Variants in CDH2 observed in about 807,000 individuals in gnomAD.
CDH2 encodes the protein cadherin 2, also known as cadherin-2.
A neutral mutation model predicts 92.0 loss-of-function variants in CDH2; 17 were observed. The observed-to-expected ratio is 0.18, with a 90% CI of 0.13 to 0.28. The LOEUF (loss-of-function observed/expected upper bound fraction) is 0.28, where lower values mean the gene tolerates loss of function less well. Ranked by LOEUF, CDH2 falls within the 10% of genes least tolerant of loss-of-function variation. The pLI, the probability that CDH2 is intolerant of heterozygous loss-of-function variation, is 1.00. For missense variants in CDH2, 862 were observed against 1,133.1 expected (o/e 0.76, Z 3.44); for synonymous variants, 419 against 415.9 (o/e 1.01, Z -0.09).
At chr18:28,020,982 T>A (rs2013394143) in intron 2 of CDH2, among the ~76,000 whole-genome samples, 1 of 151,942 alleles carries the variant, frequency 6.6e-6, no homozygotes, top group Non-Finnish European at 1.5e-5. Flanking sequence ...TGAAAAAGTA[T>A]AACATTTCTT....
intron 2 of CDH2, among the ~76,000 whole-genome samples, chr18:28,023,285 C>A (rs1162472090): frequency 2.6e-5 from 4 of 152,062 alleles, no homozygotes; most frequent in Non-Finnish European, 5.9e-5. Context: ...TAGCTTCATG[C>A]CACTAGGGCC....
rs1392654403 is a variant in CDH2 at position 28,144,154 on chromosome 18, T to TA, written c.172+3518dup. Among the ~76,000 whole-genome samples, 4 of 151,278 alleles carry TA rather than the reference T, an allele frequency of 2.6e-5. No individual in the cohort carries two copies. In the South Asian group the frequency reaches 6.2e-4, roughly 24 times the overall value. ...CGTTCTGCACATGTGTCCCAGAACT[T>TA]AAAGTAAAATTAAAAAAAAAAAGAG... is the stretch of plus-strand genomic sequence containing the variant. On this transcript the variant is annotated intron_variant, in intron 2 of 15. Transcript: ENST00000269141.
intron 2 of CDH2, among the ~76,000 whole-genome samples, chr18:28,024,418 T>G: frequency 6.6e-6 from 1 of 150,556 alleles, no homozygotes; most frequent in Admixed American, 6.6e-5. Context: ...CTAGAAAATC[T>G]ATTTGTTAAT....
chr18:28,095,585 A>G (rs2015117624), intron 2 of CDH2, among the ~76,000 whole-genome samples: 1 of 152,140 alleles, frequency 6.6e-6, no homozygotes, highest in Non-Finnish European at 1.5e-5. Flanking sequence ...TGGGAGGCCA[A>G]GGCGGGCAGA....
At chr18:28,165,527 C>T (rs774392754) in intron 1 of CDH2, among the ~76,000 whole-genome samples, 25 of 152,136 alleles carry the variant, frequency 1.6e-4, no homozygotes, top group Admixed American at 6.6e-4. Flanking sequence ...TATATGCACA[C>T]GCACAAACAC....
chr18:28,167,867 A>G (rs2016409333), intron 1 of CDH2, among the ~76,000 whole-genome samples: 1 of 152,132 alleles, frequency 6.6e-6, no homozygotes. Context: ...CACCAAATAG[A>G]CTTTAGCAAG....
intron 1 of CDH2, chr18:28,159,287 T>C (rs1481157653): frequency 6.6e-6 from 1 of 152,218 alleles, no homozygotes; most frequent in African/African-American, 2.4e-5. Flanking sequence ...ACAGATTCCC[T>C]GCAGCAATCT....
At chr18:28,068,033 C>T (rs1256606410) in intron 2 of CDH2, among the ~76,000 whole-genome samples, 1 of 152,114 alleles carries the variant, frequency 6.6e-6, no homozygotes, top group Admixed American at 6.6e-5. Context: ...AGTGTAAAAC[C>T]ACTCCATAGG....
chr18:27,999,684 A>ATG lies in CDH2; in HGVS notation c.1020+3311_1020+3312dup, dbSNP rs771361901. ...TATATATACATATATACATATATAT[A>ATG]TGTGTGTGTGTGTATATATATGTAT... On this transcript the variant is annotated intron_variant, in intron 7 of 15. Transcript: ENST00000269141. Among the ~76,000 whole-genome samples the ATG allele has an allele frequency of 2.5e-3, 380 of 149,198 alleles. 1 individual carries two copies. Among genetic ancestry groups the ATG allele is most frequent in the African/African-American group, 5.3e-3 (215 of 40,286 alleles).
downstream of CDH2, among the ~76,000 whole-genome samples, chr18:27,947,019 A>G (rs564126469): frequency 6.6e-6 from 1 of 151,994 alleles, no homozygotes; most frequent in Non-Finnish European, 1.5e-5. Flanking sequence ...CCTTCCTATT[A>G]TAGTCAGGAA....
intron 6 of CDH2, among the ~76,000 whole-genome samples, chr18:27,933,794 C>T (rs1008955207): frequency 6.6e-6 from 1 of 152,158 alleles, no homozygotes; most frequent in African/African-American, 2.4e-5. Flanking sequence ...TGGCATGACA[C>T]CTCAATGCAT....
chr18:28,109,046 A>G (rs1360264926), intron 2 of CDH2, among the ~76,000 whole-genome samples: 1 of 152,194 alleles, frequency 6.6e-6, no homozygotes, highest in African/African-American at 2.4e-5. Context: ...TTATTAAACC[A>G]GCATCTGAAC....
At chr18:28,100,473 C>T (rs192330620) in intron 2 of CDH2, among the ~76,000 whole-genome samples, 28 of 151,914 alleles carry the variant, frequency 1.8e-4, no homozygotes, top group African/African-American at 6.8e-4. Flanking sequence ...AGCTTGCTGA[C>T]TCAACCTGCA....
intron 2 of CDH2, among the ~76,000 whole-genome samples, chr18:28,098,389 G>C (rs2015171404): frequency 6.6e-6 from 1 of 152,114 alleles, no homozygotes; most frequent in Admixed American, 6.5e-5. Flanking sequence ...CTGAACCACT[G>C]CTCCTAGAAG....
intron 2 of CDH2, among the ~76,000 whole-genome samples, chr18:28,070,335 C>T (rs2144165885): frequency 6.6e-6 from 1 of 152,278 alleles, no homozygotes; most frequent in Middle Eastern, 3.4e-3. Context: ...AACCATATTA[C>T]AACCCTATGA....
At chr18:28,043,887 C>T (rs1347917471) in intron 2 of CDH2, among the ~76,000 whole-genome samples, 1 of 108,204 alleles carries the variant, frequency 9.2e-6, no homozygotes, top group African/African-American at 3.1e-5. Context: ...CTCAGAATCT[C>T]GGATTTTTTT....
intron 2 of CDH2, among the ~76,000 whole-genome samples, chr18:28,084,656 G>A (rs565650551): frequency 3.9e-4 from 60 of 151,994 alleles, no homozygotes; most frequent in Non-Finnish European, 6.9e-4. Context: ...TTATGGGCCA[G>A]CTAAACAACT....
chr18:27,963,557 G>A, intron 14 of CDH2, 36 bp from the exon 15 acceptor site: 3 of 1,597,678 alleles, frequency 1.9e-6, no homozygotes, highest in Non-Finnish European at 2.6e-6. Context: ...GATGGGAGAT[G>A]GGCACAAAGA....
intron 2 of CDH2, chr18:28,146,759 G>A (rs11083252): frequency 0.27 from 41,323 of 151,906 alleles, 6,431 homozygotes; most frequent in African/African-American, 0.42. Context: ...GTAGAGCTCT[G>A]TGTAAATTAA....
Sources: allele counts gnomAD v4.1 joint callset (sites outside exome capture counted in the v4.1 genomes callset), GRCh38; gene constraint gnomAD v4.1.1; transcripts MANE v1.5; gene names NCBI Gene and HGNC (gene_info 2026-07-23, HGNC 2026-07-21).